Variants in AGMO observed in about 807,000 individuals in gnomAD.
AGMO encodes the protein alkylglycerol monooxygenase.
AGMO carries 75 observed loss-of-function variants against 60.2 expected under a neutral mutation model. The observed-to-expected ratio is 1.25, with a 90% confidence interval of 1.03 to 1.51. The LOEUF is 1.51. AGMO is among the 40% of genes most tolerant of loss of function. The pLI, the probability that AGMO is intolerant of heterozygous loss-of-function variation, is 0.00. For missense variants in AGMO, 763 were observed against 525.5 expected (o/e 1.45, Z -4.42); for synonymous variants, 261 against 177.1 (o/e 1.47, Z -3.76).
chr7:15,201,856 CTTTTGA>C (rs554265727), intron 12 of AGMO, among the ~76,000 whole-genome samples: 1 of 152,146 alleles, frequency 6.6e-6, no homozygotes, highest in Non-Finnish European at 1.5e-5. Context: ...CCTCCTCAGT[CTTTTGA>C]TTTTATCAGG....
rs1563105977 is a variant in AGMO, at chr7:15,354,502, A to ATACACGTG, written c.1263+11011_1263+11012insCACGTGTA. Among the ~76,000 whole-genome samples the ATACACGTG allele has an allele frequency of 1.0e-3, 22 of 21,138 alleles. 1 individual carries two copies. The highest frequency in any genetic ancestry group is 1.4e-3 in the Non-Finnish European group (18 of 12,486). The allele number at this position is 21,138 out of a possible 152,430, so 13.9% of individuals were successfully genotyped here. A position where few individuals can be genotyped will look rare whatever the true frequency, so the allele number is the denominator to read the frequency against. On this transcript the variant is annotated intron_variant, in intron 12 of 12. Coordinates refer to ENST00000342526, the MANE Select transcript of AGMO (RefSeq NM_001004320.2). ...CGTGTGTATATACACACGTGTATAT[A>ATACACGTG]TATATATATATATATATATATATAT... is the stretch of plus-strand genomic sequence containing the variant.
At chr7:15,532,169 C>G (rs1012596863) in intron 3 of AGMO, among the ~76,000 whole-genome samples, 1 of 152,116 alleles carries the variant, frequency 6.6e-6, no homozygotes, top group Non-Finnish European at 1.5e-5. Context: ...CCTTAACAAC[C>G]AAATCATTAA....
intron 12 of AGMO, among the ~76,000 whole-genome samples, chr7:15,208,449 AT>A (rs1235607271): frequency 2.0e-5 from 3 of 152,104 alleles, no homozygotes; most frequent in African/African-American, 7.2e-5. Flanking sequence ...TGAGAAGAAA[AT>A]TTTTTAAAAA....
At chr7:15,412,424 G>A (rs182981825) in intron 5 of AGMO, among the ~76,000 whole-genome samples, 3 of 151,896 alleles carry the variant, frequency 2.0e-5, no homozygotes, top group Admixed American at 2.0e-4. Flanking sequence ...ATATAAGGGG[G>A]AAATCCTAGA....
intron 3 of AGMO, among the ~76,000 whole-genome samples, chr7:15,533,426 A>G (rs1418161488): frequency 2.0e-5 from 3 of 152,098 alleles, no homozygotes; most frequent in Non-Finnish European, 4.4e-5. Flanking sequence ...TGTACTATTC[A>G]TTTTTAGTAA....
chr7:15,275,860 G>A (rs771316753), intron 12 of AGMO, among the ~76,000 whole-genome samples: 1 of 151,754 alleles, frequency 6.6e-6, no homozygotes, highest in East Asian at 1.9e-4. Context: ...GGTTATTCCT[G>A]CTTGCATTTG....
At chr7:15,431,181 T>G (rs1460708759) in intron 3 of AGMO, 73 bp from the exon 4 acceptor site, 1 of 1,025,260 alleles carries the variant, frequency 9.8e-7, no homozygotes, top group East Asian at 2.4e-5. Context: ...TTATGCATGC[T>G]GCTCTGTTGA....
chr7:15,251,026 T>C (rs73060411), intron 12 of AGMO, among the ~76,000 whole-genome samples: 8,703 of 152,142 alleles, frequency 0.057, 270 homozygotes, highest in African/African-American at 0.084. Flanking sequence ...TGCTTATACA[T>C]ATACAAAATA....
chr7:15,354,350 ATATAGACGTGTGTATATAGACGTGTG>A (rs1563104942), intron 12 of AGMO, among the ~76,000 whole-genome samples: 4 of 95,770 alleles, frequency 4.2e-5, no homozygotes, highest in Non-Finnish European at 6.3e-5. Flanking sequence ...ACACGCGTGT[ATATAGACGTGTGTATATAGACGTGTG>A]TATACACGTG....
Position 15,216,832 on chromosome 7 carries a change from AAG to A in AGMO, c.1264-15475_1264-15474del, listed in dbSNP as rs1491307903. On this transcript the variant is annotated intron_variant, in intron 12 of 12. Transcript: ENST00000342526. ...AGTGCAAGAAACAAAGTGAAAGAAAAAGTGTGTGTGTGTGTGTGTGTGTGTGT... is the reference window on the plus strand; with the variant it reads ...AGTGCAAGAAACAAAGTGAAAGAAAATGTGTGTGTGTGTGTGTGTGTGTGT... Among the ~76,000 whole-genome samples, 131 of 59,600 alleles carry A rather than the reference AAG, an allele frequency of 2.2e-3. 1 individual carries two copies. The highest frequency in any genetic ancestry group is 6.4e-3 in the African/African-American group (123 of 19,266). 39.1% of individuals were successfully genotyped at this position (59,600 alleles called of 152,430 possible).
intron 9 of AGMO, among the ~76,000 whole-genome samples, chr7:15,385,907 G>A (rs778425710): frequency 2.6e-5 from 4 of 152,180 alleles, no homozygotes; most frequent in African/African-American, 7.2e-5. Context: ...GGTGCCAGAT[G>A]TGGTGACTCA....
intron 12 of AGMO, among the ~76,000 whole-genome samples, chr7:15,278,678 T>G (rs1237227940): frequency 6.6e-6 from 1 of 152,056 alleles, no homozygotes; most frequent in Non-Finnish European, 1.5e-5. Flanking sequence ...CTCACAGAAG[T>G]GGTAGTAGAT....
intron 12 of AGMO, among the ~76,000 whole-genome samples, chr7:15,266,619 G>A (rs1195675861): frequency 6.6e-6 from 1 of 151,738 alleles, no homozygotes; most frequent in African/African-American, 2.4e-5. Context: ...TATCAGAAAA[G>A]TATCCTAGTA....
intron 3 of AGMO, among the ~76,000 whole-genome samples, chr7:15,454,792 G>A (rs1354024240): frequency 6.6e-6 from 1 of 151,844 alleles, no homozygotes; most frequent in South Asian, 2.1e-4. Context: ...TTTTACATTT[G>A]TATCAAAGTA....
intron 5 of AGMO, among the ~76,000 whole-genome samples, chr7:15,415,039 G>A (rs533956417): frequency 2.0e-5 from 3 of 152,194 alleles, no homozygotes; most frequent in South Asian, 4.1e-4. Context: ...ATTTTCAAAA[G>A]TAATCCTAGA....
intron 3 of AGMO, among the ~76,000 whole-genome samples, chr7:15,441,432 G>A (rs1283910435): frequency 6.6e-6 from 1 of 152,170 alleles, no homozygotes; most frequent in Non-Finnish European, 1.5e-5. Flanking sequence ...CCGTGAGTTT[G>A]GTTTTGGTGC....
At chr7:15,361,381 T>C (rs1782746695) in intron 12 of AGMO, among the ~76,000 whole-genome samples, 1 of 149,712 alleles carries the variant, frequency 6.7e-6, no homozygotes, top group African/African-American at 2.5e-5. Flanking sequence ...CTACTAAAAA[T>C]ACAAAAAAAT....
chr7:15,242,471 T>C (rs1375578688), intron 12 of AGMO, among the ~76,000 whole-genome samples: 1 of 152,174 alleles, frequency 6.6e-6, no homozygotes, highest in Non-Finnish European at 1.5e-5. Context: ...GTAATGTCAA[T>C]AGTCTTAAAA....
At chr7:15,309,456 T>C (rs1780704027) in intron 12 of AGMO, among the ~76,000 whole-genome samples, 1 of 152,110 alleles carries the variant, frequency 6.6e-6, no homozygotes. Flanking sequence ...TAAGCCAACT[T>C]TGAAGTCCAG....
Sources: allele counts gnomAD v4.1 joint callset (sites outside exome capture counted in the v4.1 genomes callset), GRCh38; gene constraint gnomAD v4.1.1; transcripts MANE v1.5; gene names NCBI Gene and HGNC (gene_info 2026-07-23, HGNC 2026-07-21).